NPR3: variants seen among roughly 807,000 people sequenced by gnomAD.
NPR3 encodes natriuretic peptide receptor 3, also known as atrial natriuretic peptide receptor 3.
NPR3 carries 34 observed loss-of-function variants against 54.5 expected under a neutral mutation model. The observed-to-expected ratio is 0.62, with a 90% CI of 0.47 to 0.83. The LOEUF (loss-of-function observed/expected upper bound fraction) is 0.83, where lower values mean the gene tolerates loss of function less well. NPR3 is among the 40% of genes least tolerant of loss of function. The pLI is 0.00. For missense variants in NPR3, 674 were observed against 720.8 expected, an observed-to-expected ratio of 0.94 and a Z score of 0.74; for synonymous variants, 289 against 297.1, an observed-to-expected ratio of 0.97 and a Z score of 0.28.
chr5:32,775,441 C>T (rs934235354), intron 4 of NPR3, among the ~76,000 whole-genome samples: 14 of 151,988 alleles, frequency 9.2e-5, no homozygotes, highest in African/African-American at 3.1e-4. Context: ...ATTACAGGCG[C>T]CTGCCACCAC....
At chr5:32,774,211 G>A (rs1460664900) in intron 3 of NPR3, among the ~76,000 whole-genome samples, 5 of 152,154 alleles carry the variant, frequency 3.3e-5, no homozygotes, top group African/African-American at 4.8e-5. Context: ...ACTCTTCTTT[G>A]TACCCATAGC....
chr5:32,777,882 A>C (rs1357555132), intron 4 of NPR3, among the ~76,000 whole-genome samples: 1 of 152,188 alleles, frequency 6.6e-6, no homozygotes, highest in Non-Finnish European at 1.5e-5. Flanking sequence ...ACAGAGCCAA[A>C]TTTCCCAGAA....
chr5:32,728,020 C>T (rs1183323266), intron 2 of NPR3, among the ~76,000 whole-genome samples: 1 of 152,140 alleles, frequency 6.6e-6, no homozygotes, highest in Non-Finnish European at 1.5e-5. Context: ...GACCTGTTCT[C>T]TTAATACATT....
rs902561891 is a variant in NPR3 at position 32,788,140 on chromosome 5, C to T, written c.*1795C>T. ...TTATTTCTGTGTGAGGCACATTTCC[C>T]TTCTGTTGTTTAAGAAATGGGAGCT... On this transcript the variant is annotated 3_prime_UTR_variant, in exon 8 of 8. Transcript: ENST00000265074. 1 of 152,232 alleles carries T rather than the reference C, an allele frequency of 6.6e-6. No homozygotes were observed. The highest frequency in any genetic ancestry group is 1.5e-5 in the Non-Finnish European group (1 of 68,062). 9.4% of individuals were successfully genotyped at this position (152,232 alleles called of 1,614,324 possible).
chr5:32,789,530 G>A lies in NPR3; in HGVS notation c.*3185G>A, dbSNP rs1011070115. 5.6e-6 allele frequency: 3 copies of A among 534,582 alleles called. No individual in the cohort carries two copies. Among genetic ancestry groups the A allele is most frequent in the Non-Finnish European group, 1.2e-5 (3 of 260,092 alleles). 33.1% of individuals were successfully genotyped at this position (534,582 alleles called of 1,614,324 possible). ...TTTCAGAACCCATGTTTAATGGAGGGAAGAGAGAAATGCATGGGAAAAGAA... is the reference window on the plus strand; with the variant it reads ...TTTCAGAACCCATGTTTAATGGAGGAAAGAGAGAAATGCATGGGAAAAGAA... On this transcript the variant is annotated 3_prime_UTR_variant, in exon 8 of 8. Transcript: ENST00000265074.
chr5:32,771,070 AT>A (rs1579690057), intron 3 of NPR3, among the ~76,000 whole-genome samples: 1 of 144,502 alleles, frequency 6.9e-6, no homozygotes, highest in South Asian at 2.2e-4. Context: ...TTTCTCCCTT[AT>A]TTTTTTCTTA....
chr5:32,758,300 G>A (rs1249795785), intron 3 of NPR3, among the ~76,000 whole-genome samples: 2 of 152,140 alleles, frequency 1.3e-5, no homozygotes, highest in African/African-American at 4.8e-5. Context: ...GGTCTATTCA[G>A]GGATTCAAAT....
intron 1 of NPR3, among the ~76,000 whole-genome samples, chr5:32,701,415 T>C (rs1206997321): frequency 6.6e-6 from 1 of 152,250 alleles, no homozygotes; most frequent in Non-Finnish European, 1.5e-5. Context: ...TCCTTCCCTG[T>C]GTTATCTTGG....
chr5:32,732,164 C>T (rs1362880087), intron 2 of NPR3, among the ~76,000 whole-genome samples: 1 of 147,582 alleles, frequency 6.8e-6, no homozygotes, highest in Admixed American at 7.0e-5. Context: ...TGGCGTGAAC[C>T]CGGGAAGCGG....
At chr5:32,758,290 G>A (rs1195287523) in intron 3 of NPR3, among the ~76,000 whole-genome samples, 9 of 152,120 alleles carry the variant, frequency 5.9e-5, no homozygotes, top group African/African-American at 2.2e-4. Context: ...ACCTGTTATT[G>A]GTCTATTCAG....
intron 2 of NPR3, among the ~76,000 whole-genome samples, chr5:32,735,107 C>T (rs537803257): frequency 2.0e-5 from 3 of 152,320 alleles, no homozygotes; most frequent in South Asian, 2.1e-4. Flanking sequence ...ACACCCAGCA[C>T]GGTCTCTAGT....
At chr5:32,749,627 C>T (rs1195697986) in intron 3 of NPR3, among the ~76,000 whole-genome samples, 4 of 152,156 alleles carry the variant, frequency 2.6e-5, no homozygotes, top group Non-Finnish European at 5.9e-5. Flanking sequence ...TACAAAATTC[C>T]CCTCCAAATT....
chr5:32,739,608 A>G (rs1017597782), intron 3 of NPR3, among the ~76,000 whole-genome samples: 5 of 152,130 alleles, frequency 3.3e-5, no homozygotes, highest in African/African-American at 1.2e-4. Flanking sequence ...GTGCATTTCA[A>G]GAGTGGACAA....
At chr5:32,767,663 C>T (rs527677529) in intron 3 of NPR3, among the ~76,000 whole-genome samples, 1 of 152,084 alleles carries the variant, frequency 6.6e-6, no homozygotes, top group African/African-American at 2.4e-5. Context: ...AGTTGGGGTT[C>T]TGGATCTTAG....
At chr5:32,766,651 A>G (rs571535967) in intron 3 of NPR3, among the ~76,000 whole-genome samples, 1 of 152,304 alleles carries the variant, frequency 6.6e-6, no homozygotes, top group Admixed American at 6.5e-5. Context: ...GTTATTTATC[A>G]AGGTTATTAC....
chr5:32,784,274 C>T (rs1254102529), intron 6 of NPR3, among the ~76,000 whole-genome samples: 1 of 152,180 alleles, frequency 6.6e-6, no homozygotes, highest in Non-Finnish European at 1.5e-5. Flanking sequence ...TTGCAACCTC[C>T]ACCTTCCAGG....
At chr5:32,736,583 T>C (rs1473658542) in intron 2 of NPR3, among the ~76,000 whole-genome samples, 1 of 152,220 alleles carries the variant, frequency 6.6e-6, no homozygotes, top group Non-Finnish European at 1.5e-5. Flanking sequence ...CTGCAAGCAA[T>C]GGGCTCCTCC....
rs748803712 is a variant in NPR3, at chr5:32,789,553, G to T, written c.*3208G>T. On this transcript the variant is annotated 3_prime_UTR_variant, in exon 8 of 8. Transcript: ENST00000265074. ...GGGAAGAGAGAAATGCATGGGAAAAGAACACCTCCTTTTCTCCTTTCTCTT... is the reference window on the plus strand; with the variant it reads ...GGGAAGAGAGAAATGCATGGGAAAATAACACCTCCTTTTCTCCTTTCTCTT... 24 of 534,546 alleles carry T rather than the reference G, an allele frequency of 4.5e-5. No individual in the cohort carries two copies. Among genetic ancestry groups the T allele is most frequent in the Admixed American group, 3.9e-5 (2 of 51,568 alleles). The allele number at this position is 534,546 out of a possible 1,614,324, so 33.1% of individuals were successfully genotyped here. A position where few individuals can be genotyped will look rare whatever the true frequency, so the allele number is the denominator to read the frequency against.
At chr5:32,696,066 C>G (rs953188694) in intron 1 of NPR3, among the ~76,000 whole-genome samples, 15 of 152,106 alleles carry the variant, frequency 9.9e-5, no homozygotes. Flanking sequence ...GTTGCTTGTG[C>G]TTGTGGGGTA....
Sources: allele counts gnomAD v4.1 joint callset (sites outside exome capture counted in the v4.1 genomes callset), GRCh38; gene constraint gnomAD v4.1.1; transcripts MANE v1.5; gene names NCBI Gene and HGNC (gene_info 2026-07-23, HGNC 2026-07-21).